UBA6: variants seen among roughly 807,000 people sequenced by gnomAD.
UBA6 encodes the protein ubiquitin-like modifier-activating enzyme 6.
A neutral mutation model predicts 148.3 loss-of-function variants in UBA6; 87 were observed. That is an observed-to-expected ratio of 0.59 (90% CI 0.49 to 0.70). The LOEUF is 0.70. Among genes scored for constraint, UBA6 ranks in the 30% least tolerant of loss-of-function variants. The probability of loss-of-function intolerance (pLI) is 0.00; values close to 1 mark genes in which losing one functional copy is unlikely to be tolerated. For synonymous variants in UBA6, 376 were observed against 401.0 expected, an observed-to-expected ratio of 0.94 and a Z score of 0.75; for missense variants, 1,186 against 1,241.2, an observed-to-expected ratio of 0.96 and a Z score of 0.67.
At chr4:67,678,726 G>T (rs188303671) in intron 4 of UBA6, among the ~76,000 whole-genome samples, 193 bp from the exon 5 acceptor site, 3 of 152,164 alleles carry the variant, frequency 2.0e-5, no homozygotes, top group Non-Finnish European at 2.9e-5. Context: ...TCACTTGTTA[G>T]ATTGGCATAA....
At chr4:67,700,042 C>T (rs992756118) in intron 1 of UBA6, among the ~76,000 whole-genome samples, 1 of 152,226 alleles carries the variant, frequency 6.6e-6, no homozygotes, top group Non-Finnish European at 1.5e-5. Context: ...CTAACTAGCT[C>T]TGCCACTTAA....
At position 67,644,697 on chromosome 4, in the gene UBA6, C is replaced by T. The variant is rs1481207378; in HGVS notation, c.1476+1G>A. On this transcript the variant is annotated splice_donor_variant, in intron 17 of 32. Coordinates refer to ENST00000322244, the MANE Select transcript of UBA6 (RefSeq NM_018227.6). LOFTEE classifies it high-confidence loss of function. ...TTAACTCTCAAGAATTGATATCTTA[C>T]CATTCCTTTCTCTTTGCTTGTGCCA... 1.3e-6 allele frequency: 2 copies of T among 1,564,492 alleles called. No individual in the cohort carries two copies. Among genetic ancestry groups the T allele is most frequent in the East Asian group, 2.2e-5 (1 of 44,532 alleles).
chr4:67,631,975 A>G (rs1049431992), intron 23 of UBA6, 67 bp from the exon 24 acceptor site: 1 of 1,422,160 alleles, frequency 7.0e-7, no homozygotes. Flanking sequence ...TTAAAAAATA[A>G]AATTAAAAAA....
In UBA6 at chr4:67,685,257, C is replaced by T. The variant is rs537476799; in HGVS notation, c.135-3044G>A. Among the ~76,000 whole-genome samples the T allele has an allele frequency of 2.0e-5, 3 of 152,198 alleles. No homozygotes were observed. In the South Asian group the frequency reaches 6.2e-4, roughly 32 times the overall value. Reference sequence around the variant, plus strand: ...TGATTTTTTGAGTTTTATATATTACCTATTAACTTCCTACTAAGAAAGATA... The same window carrying T: ...TGATTTTTTGAGTTTTATATATTACTTATTAACTTCCTACTAAGAAAGATA... On this transcript the variant is annotated intron_variant, in intron 2 of 32. Transcript: ENST00000322244.
Position 67,625,155 on chromosome 4 carries a change from T to C in UBA6, c.2551A>G (p.Lys851Glu). Residue 851 changes from lysine to glutamate, a missense_variant, in exon 29 of 33, where the codon AAA becomes GAA. Physicochemically the swap from Lys to Glu is moderately conservative, Grantham distance 56. Transcript: ENST00000322244. ...DLQMAVLSFEKDDDHNGHIDF... is the reference protein window; with the variant it reads ...DLQMAVLSFEEDDDHNGHIDF... The stretch of plus-strand genomic sequence containing the variant: ...ATGTGTCCATTATGATCATCATCTT[T>C]TTCAAATGAAAGCACTGCCATCTGA... 1 of 1,611,480 alleles carries C rather than the reference T, an allele frequency of 6.2e-7. No individual in the cohort carries two copies. The highest frequency in any genetic ancestry group is 8.5e-7 in the Non-Finnish European group (1 of 1,178,580).
At position 67,629,055 on chromosome 4, in the gene UBA6, G is replaced by T. The variant is rs1728938137; in HGVS notation, c.2400+16C>A. ...TTCCCAAACTATTTGCTGAATGAAT[G>T]ATTTTTTAAACATACCTTATTGGAA... On this transcript the variant is annotated intron_variant, in intron 27 of 32. Coordinates refer to ENST00000322244, the MANE Select transcript of UBA6 (RefSeq NM_018227.6). 1.3e-6 allele frequency: 2 copies of T among 1,572,724 alleles called. No individual in the cohort carries two copies. Among genetic ancestry groups the T allele is most frequent in the East Asian group, 4.5e-5 (2 of 44,540 alleles).
At chr4:67,622,318 C>T (rs1728769648) in intron 32 of UBA6, among the ~76,000 whole-genome samples, 1 of 152,172 alleles carries the variant, frequency 6.6e-6, no homozygotes, top group African/African-American at 2.4e-5. Context: ...CTCAACACCC[C>T]CAACTCCCCA....
chr4:67,668,611 G>T lies in UBA6; in HGVS notation c.733C>A (p.Leu245Ile). The T allele has an allele frequency of 6.2e-7, 1 of 1,613,078 alleles. No individual in the cohort carries two copies. ...HPHKLETGQF[L>I]TFREINGMTG... Reference sequence around the variant, plus strand: ...ATTCCATTAATTTCTCGAAATGTTAGGAATTGTCCTGTCTCCAGTTTGTGA... The same window carrying T: ...ATTCCATTAATTTCTCGAAATGTTATGAATTGTCCTGTCTCCAGTTTGTGA... Residue 245 changes from leucine to isoleucine, a missense_variant, in exon 9 of 33, where the codon CTA becomes ATA. Transcript: ENST00000322244.
chr4:67,695,845 G>A (rs959545947), intron 2 of UBA6, among the ~76,000 whole-genome samples: 2 of 152,048 alleles, frequency 1.3e-5, no homozygotes, highest in African/African-American at 4.8e-5. Flanking sequence ...CATGCCAGAT[G>A]GTATGTATTA....
At chr4:67,647,352 G>A (rs2109917949) in intron 14 of UBA6, among the ~76,000 whole-genome samples, 1 of 152,072 alleles carries the variant, frequency 6.6e-6, no homozygotes, top group East Asian at 1.9e-4. Context: ...CACCATGTTG[G>A]CTAGGCTGGT....
chr4:67,662,925 G>A (rs1729900335), intron 12 of UBA6: 1 of 382,006 alleles, frequency 2.6e-6, no homozygotes, highest in South Asian at 9.5e-5. Context: ...CTTCAAAGTG[G>A]AAAAATTCAC....
At chr4:67,690,854 T>C (rs910326983) in intron 2 of UBA6, among the ~76,000 whole-genome samples, 4 of 152,132 alleles carry the variant, frequency 2.6e-5, no homozygotes, top group South Asian at 2.1e-4. Flanking sequence ...GTTGGAAATG[T>C]AGAATGGTGC....
At chr4:67,677,389 T>C (rs917863524) in intron 6 of UBA6, among the ~76,000 whole-genome samples, 4 of 152,216 alleles carry the variant, frequency 2.6e-5, no homozygotes, top group African/African-American at 9.6e-5. Flanking sequence ...TAATGGATAT[T>C]ACTGAGAAAA....
chr4:67,688,197 A>C (rs1299499486), intron 2 of UBA6, among the ~76,000 whole-genome samples: 1 of 152,334 alleles, frequency 6.6e-6, no homozygotes, highest in Non-Finnish European at 1.5e-5. Flanking sequence ...AAGGAAGAAC[A>C]GAATAGATAA....
intron 8 of UBA6, among the ~76,000 whole-genome samples, chr4:67,669,015 C>A (rs939838054): frequency 6.6e-6 from 1 of 151,970 alleles, no homozygotes; most frequent in African/African-American, 2.4e-5. Flanking sequence ...TGAGAAAAAA[C>A]CATGGGCATA....
At chr4:67,697,120 C>T (rs1016696433) in intron 1 of UBA6, among the ~76,000 whole-genome samples, 1 of 152,138 alleles carries the variant, frequency 6.6e-6, no homozygotes, top group African/African-American at 2.4e-5. Context: ...ATTTTCATGC[C>T]TCAGCCTCCC....
At chr4:67,653,276 G>C (rs1729600291) in intron 13 of UBA6, among the ~76,000 whole-genome samples, 1 of 152,168 alleles carries the variant, frequency 6.6e-6, no homozygotes, top group Non-Finnish European at 1.5e-5. Context: ...CTCCCAGTAG[G>C]GGCCGACAGA....
At chr4:67,644,665 TA>T in intron 17 of UBA6, 32 bp downstream of exon 17, 2 of 1,250,244 alleles carry the variant, frequency 1.6e-6, no homozygotes, top group Non-Finnish European at 2.4e-6. Context: ...AACAGAAATA[TA>T]AACTTTTAAC....
At position 67,691,470 on chromosome 4, in the gene UBA6, T is replaced by C. The variant is rs146747802; in HGVS notation, c.134+5175A>G. On this transcript the variant is annotated intron_variant, in intron 2 of 32. Coordinates refer to ENST00000322244, the MANE Select transcript of UBA6 (RefSeq NM_018227.6). The stretch of plus-strand genomic sequence containing the variant: ...TATTGTGGTGAGCTTAAGTGATGTA[T>C]CTGGTTAAAGCACATGTGACTCTAT... Among the ~76,000 whole-genome samples, 745 of 152,318 alleles carry C rather than the reference T, an allele frequency of 4.9e-3. 3 individuals are homozygous for C. The highest frequency in any genetic ancestry group is 7.7e-3 in the Non-Finnish European group (521 of 68,016).
Sources: gnomAD v4.1 joint callset for allele counts (sites outside exome capture counted in the v4.1 genomes callset) on GRCh38, gnomAD v4.1.1 for gene constraint, MANE v1.5 for transcripts, NCBI Gene and HGNC (gene_info 2026-07-23, HGNC 2026-07-21) for gene names.